Variants in RNF40 observed in about 807,000 individuals in gnomAD.
RNF40 encodes ring finger protein 40.
A neutral mutation model predicts 123.3 loss-of-function variants in RNF40; 39 were observed. The ratio of observed to expected loss-of-function variants is 0.32; its 90% CI spans 0.24 to 0.41. RNF40 has a LOEUF of 0.41. Among genes scored for constraint, RNF40 ranks in the 10% least tolerant of loss-of-function variants. The probability of loss-of-function intolerance (pLI) is 1.00; values close to 1 mark genes in which losing one functional copy is unlikely to be tolerated. For missense variants in RNF40, 1,003 were observed against 1,319.9 expected, an observed-to-expected ratio of 0.76 and a Z score of 3.72; for synonymous variants, 538 against 526.0, an observed-to-expected ratio of 1.02 and a Z score of -0.31.
In RNF40 at chr16:30,763,439, C is replaced by T; in HGVS notation, c.322C>T (p.Leu108Phe). 6.2e-7 allele frequency: 1 copy of T among 1,608,506 alleles called. No homozygotes were observed. The highest frequency in any genetic ancestry group is 8.5e-7 in the Non-Finnish European group (1 of 1,177,540). ...WAQLDETVEALLRCHESQGEL... is the reference protein window; with the variant it reads ...WAQLDETVEAFLRCHESQGEL... ...CCAGCTGGATGAAACTGTGGAAGCC[C>T]TTCTCCGATGCCATGAGAGCCAGGG... The change falls in exon 4 of 20, where the codon CTT (leucine) becomes TTT (phenylalanine). Residue 108 changes from leucine (L) to phenylalanine (F), a missense_variant. By Grantham distance (22) the Leu-to-Phe change is conservative. Transcript: ENST00000324685.
rs1328484810 is a variant in RNF40, at chr16:30,775,850, A to G, written c.*1736A>G. 6.6e-6 allele frequency: 1 copy of G among 152,232 alleles called. No homozygotes were observed. Among genetic ancestry groups the G allele is most frequent in the Non-Finnish European group, 1.5e-5 (1 of 68,054 alleles). 9.4% of individuals were successfully genotyped at this position (152,232 alleles called of 1,614,324 possible). A position where few individuals can be genotyped will look rare whatever the true frequency, so the allele number is the denominator to read the frequency against. On this transcript the variant is annotated 3_prime_UTR_variant, in exon 20 of 20. Coordinates refer to ENST00000324685, the MANE Select transcript of RNF40 (RefSeq NM_014771.4). ...GGACCCTATTGGCGCCCGGGACTTA[A>G]GCGGGGCCGCCGCTGCTGGACCAGG...
Position 30,775,695 on chromosome 16 carries a change from C to G in RNF40, c.*1581C>G, listed in dbSNP as rs2054222910. 6.6e-6 allele frequency: 1 copy of G among 152,648 alleles called. No homozygotes were observed. 9.5% of individuals were successfully genotyped at this position (152,648 alleles called of 1,614,324 possible). A position where few individuals can be genotyped will look rare whatever the true frequency, so the allele number is the denominator to read the frequency against. On this transcript the variant is annotated 3_prime_UTR_variant, in exon 20 of 20. Coordinates refer to ENST00000324685, the MANE Select transcript of RNF40 (RefSeq NM_014771.4). ...TGGGCTCAGCGCGCTGCAGGCGCCC[C>G]GGGCGGATCCTTCACCGAGGCAGGA...
Position 30,773,929 on chromosome 16 carries a change from C to T in RNF40, c.2830-9C>T, listed in dbSNP as rs773268928. 2.5e-6 allele frequency: 4 copies of T among 1,605,498 alleles called. No individual in the cohort carries two copies. The South Asian group carries it at 4.4e-5, about 18-fold the overall frequency. ...GTTGTTCCCAAGCTGATGCCTTTGC[C>T]TGGCCCAGGCGCGGTTGACCTGCCC... On this transcript the variant is annotated splice_polypyrimidine_tract_variant and intron_variant, in intron 19 of 19. Transcript: ENST00000324685.
chr16:30,766,214 C>A lies in RNF40; in HGVS notation c.1045C>A (p.Arg349Ser). The change falls in exon 9 of 20, where the codon CGT becomes AGT. Residue 349 changes from arginine to serine, a missense_variant. By Grantham distance (110) the Arg-to-Ser change is moderately radical. This residue lies in a region of RNF40 where 274 missense variants were observed against 356.9 expected (regional missense o/e 0.77). Coordinates refer to ENST00000324685, the MANE Select transcript of RNF40 (RefSeq NM_014771.4). The surrounding 1 kb of genome is among the most constrained non-coding windows in gnomAD (Gnocchi z 5.4). ...LEENQELANSRMAELEKLQAE... is the reference protein window; with the variant it reads ...LEENQELANSSMAELEKLQAE... ...GGAAAACCAGGAACTGGCCAACAGC[C>A]GTATGGCAGAGCTGGAGAAACTGCA... 6.2e-7 allele frequency: 1 copy of A among 1,614,174 alleles called. No homozygotes were observed. The highest frequency in any genetic ancestry group is 8.5e-7 in the Non-Finnish European group (1 of 1,180,038).
chr16:30,764,043 G>A (rs1332207110), intron 4 of RNF40, 136 bp from the exon 5 acceptor site: 3 of 681,510 alleles, frequency 4.4e-6, no homozygotes, highest in Non-Finnish European at 7.3e-6. Context: ...CTCACTTTCA[G>A]GATGGAGATA....
chr16:30,764,702 G>A (rs555989947), intron 5 of RNF40, among the ~76,000 whole-genome samples: 119 of 152,328 alleles, frequency 7.8e-4, no homozygotes, highest in African/African-American at 2.8e-3. Flanking sequence ...CTTGTAGGTT[G>A]ACAGGCTTCT....
At chr16:30,761,914 C>T (rs760275359), upstream of RNF40, 31 of 684,506 alleles carry the variant, frequency 4.5e-5, no homozygotes, top group Non-Finnish European at 7.1e-5. Context: ...CGTCTCCCTC[C>T]GTCTCAACGG....
chr16:30,774,189 T>C lies in RNF40; in HGVS notation c.*75T>C, dbSNP rs1179215549. The C allele has an allele frequency of 6.8e-7, 1 of 1,468,496 alleles. No individual in the cohort carries two copies. The highest frequency in any genetic ancestry group is 9.2e-7 in the Non-Finnish European group (1 of 1,088,448). 91.0% of individuals were successfully genotyped at this position (1,468,496 alleles called of 1,614,324 possible). A position where few individuals can be genotyped will look rare whatever the true frequency, so the allele number is the denominator to read the frequency against. On this transcript the variant is annotated 3_prime_UTR_variant, in exon 20 of 20. Transcript: ENST00000324685. ...CCCCATCTCCTCCCCACCCCAGGTC[T>C]AGTGGCCCCACCCTCCATTCCGGAC... is the stretch of plus-strand genomic sequence containing the variant.
In RNF40 at chr16:30,766,554, T is replaced by C. The variant is rs763563902; in HGVS notation, c.1289T>C (p.Met430Thr). The stretch of plus-strand genomic sequence containing the variant: ...TCCCACCTGCGACACATCGAGCACA[T>C]GGAGGTATGGCCCTGGAACAGGCGT... Reference protein sequence around the residue: ...KNSHLRHIEHMESDELGLQKK... With the variant: ...KNSHLRHIEHTESDELGLQKK... The change falls in exon 10 of 20, where the codon ATG (methionine) becomes ACG (threonine). Residue 430 changes from methionine (M) to threonine (T), a missense_variant. Around this residue, in one of 11 missense-constraint regions of RNF40, gnomAD observed 274 missense variants for 356.9 expected, o/e 0.77. Transcript: ENST00000324685. The surrounding 1 kb of genome is among the most constrained non-coding windows in gnomAD (Gnocchi z 5.4). The C allele has an allele frequency of 1.9e-6, 3 of 1,608,360 alleles. No homozygotes were observed. In the South Asian group the frequency reaches 3.3e-5, roughly 18 times the overall value.
chr16:30,767,358 G>A (rs184131315), intron 11 of RNF40, among the ~76,000 whole-genome samples: 1 of 152,330 alleles, frequency 6.6e-6, no homozygotes, highest in Non-Finnish European at 1.5e-5. Flanking sequence ...AAGATAGGAA[G>A]TATCAGGAGA....
At chr16:30,767,809 T>C (rs2054066659) in intron 11 of RNF40, 85 bp from the exon 12 acceptor site, 1 of 1,567,512 alleles carries the variant, frequency 6.4e-7, no homozygotes, top group Non-Finnish European at 8.8e-7. Context: ...GTGGGAGTGA[T>C]GGCATAGCCT....
intron 2 of RNF40, 65 bp from the exon 3 acceptor site, chr16:30,763,053 C>G (rs776329111): frequency 2.5e-6 from 4 of 1,578,182 alleles, no homozygotes; most frequent in African/African-American, 2.7e-5. Context: ...TCCTCTTTCT[C>G]TCTCTGTGAT....
At chr16:30,763,360 G>A (rs2053933825) in intron 3 of RNF40, 58 bp from the exon 4 acceptor site, 1 of 1,605,942 alleles carries the variant, frequency 6.2e-7, no homozygotes, top group East Asian at 2.2e-5. Context: ...TAGGAAAGGA[G>A]TATCATGTTG....
chr16:30,766,779 G>C lies in RNF40; in HGVS notation c.1332G>C (p.Glu444Asp), dbSNP rs1470145544. 3 of 1,613,978 alleles carry C rather than the reference G, an allele frequency of 1.9e-6. No individual in the cohort carries two copies. Among genetic ancestry groups the C allele is most frequent in the Admixed American group, 3.3e-5 (2 of 60,004 alleles). Residue 444 changes from glutamate to aspartate, a missense_variant, in exon 11 of 20, where the codon GAG becomes GAC. Transcript: ENST00000324685. This position sits in a 1 kb window ranked among gnomAD's most constrained non-coding sequence, Gnocchi z 5.4. The part of the protein sequence containing the change: ...ELGLQKKLRT[E>D]VIQLEDTLAQ... Reference sequence around the variant, plus strand: ...GGCTGCAGAAGAAGCTACGCACAGAGGTCATTCAGCTGGAGGACACGCTGG... The same window carrying C: ...GGCTGCAGAAGAAGCTACGCACAGACGTCATTCAGCTGGAGGACACGCTGG...
chr16:30,765,408 C>T lies in RNF40; in HGVS notation c.919-17C>T, dbSNP rs781712025. 10 of 1,614,174 alleles carry T rather than the reference C, an allele frequency of 6.2e-6. No individual in the cohort carries two copies. Among genetic ancestry groups the T allele is most frequent in the Non-Finnish European group, 6.8e-6 (8 of 1,179,978 alleles). ...CCTCCCCTCTACATCCATTGCCTGT[C>T]TGTTTTCTCTCCACAGCTTAACTCT... On this transcript the variant is annotated splice_polypyrimidine_tract_variant and intron_variant, in intron 7 of 19. Coordinates refer to ENST00000324685, the MANE Select transcript of RNF40 (RefSeq NM_014771.4).
Position 30,765,457 on chromosome 16 carries a change from C to T in RNF40, c.951C>T (p.Ser317=). The T allele has an allele frequency of 6.2e-7, 1 of 1,614,134 alleles. No individual in the cohort carries two copies. The highest frequency in any genetic ancestry group is 8.5e-7 in the Non-Finnish European group (1 of 1,180,030). Residue 317 remains serine, a synonymous_variant, in exon 8 of 20, where the codon TCC becomes TCT. Coordinates refer to ENST00000324685, the MANE Select transcript of RNF40 (RefSeq NM_014771.4). The part of the protein sequence containing the change: ...LNSGYYVSGS[S]SGFQGGQITL... The stretch of plus-strand genomic sequence containing the variant: ...CTGGCTACTATGTATCTGGGAGCTC[C>T]TCAGGCTTCCAGGGGGGCCAGATCA...
rs368256665 is a variant in RNF40, at chr16:30,764,216, G to A, written c.480G>A (p.Glu160=). ...TGCAGCTGCGGCCCCCTCTCAGTGAGCCGGCCTTGGCTTTTGTGGTGGCAC... is the reference window on the plus strand; with the variant it reads ...TGCAGCTGCGGCCCCCTCTCAGTGAACCGGCCTTGGCTTTTGTGGTGGCAC... ...LLMQLRPPLS[E]PALAFVVALG... is the part of the protein sequence containing the mutation. The change falls in exon 5 of 20, where the codon GAG becomes GAA. Residue 160 remains glutamate (E), a synonymous_variant. Transcript: ENST00000324685. 10 of 1,611,424 alleles carry A rather than the reference G, an allele frequency of 6.2e-6. No individual in the cohort carries two copies. In the African/African-American group the frequency reaches 8.0e-5, roughly 13 times the overall value.
Position 30,764,363 on chromosome 16 carries a change from C to G in RNF40, c.627C>G (p.Leu209=), listed in dbSNP as rs140350331. 4.3e-6 allele frequency: 7 copies of G among 1,613,240 alleles called. No homozygotes were observed. In the African/African-American group the frequency reaches 9.3e-5, roughly 22 times the overall value. Residue 209 remains leucine (L), a synonymous_variant, in exon 5 of 20, where the codon CTC becomes CTG. Coordinates refer to ENST00000324685, the MANE Select transcript of RNF40 (RefSeq NM_014771.4). Reference sequence around the variant, plus strand: ...GCCTACAGCGCCGGGTGGAGGAACTCTGTCAGCGAGTGTACAGCCGAGGTG... The same window carrying G: ...GCCTACAGCGCCGGGTGGAGGAACTGTGTCAGCGAGTGTACAGCCGAGGTG... ...SDRLQRRVEE[L]CQRVYSRGDS...
Position 30,771,906 on chromosome 16 carries a change from T to C in RNF40, c.2660T>C (p.Ile887Thr), listed in dbSNP as rs1448642179. Residue 887 changes from isoleucine (I) to threonine (T), a missense_variant, in exon 18 of 20, where the codon ATC (isoleucine) becomes ACC (threonine). Physicochemically the swap from Ile to Thr is moderately conservative, Grantham distance 89 (BLOSUM62 -1). Transcript: ENST00000324685. ...LEHVQTRLRE[I>T]QPCLAESRAA... ...CACGTGCAGACTCGGCTGCGGGAGA[T>C]CCAGCCCTGCCTGGCAGAGAGCCGG... 1 of 1,609,734 alleles carries C rather than the reference T, an allele frequency of 6.2e-7. No homozygotes were observed. The highest frequency in any genetic ancestry group is 8.5e-7 in the Non-Finnish European group (1 of 1,177,500).
Sources: allele counts gnomAD v4.1 joint callset (sites outside exome capture counted in the v4.1 genomes callset), GRCh38; gene constraint gnomAD v4.1.1; regional missense constraint gnomAD v4.1.1; non-coding constraint Gnocchi (gnomAD v3.1); transcripts MANE v1.5; gene names NCBI Gene and HGNC (gene_info 2026-07-23, HGNC 2026-07-21).